SCFD2: variants seen among roughly 807,000 people sequenced by gnomAD.
SCFD2 encodes the protein sec1 family domain-containing protein 2.
In SCFD2, 54 loss-of-function variants were observed where a neutral mutation model predicts 58.9. The ratio of observed to expected loss-of-function variants is 0.92; its 90% CI spans 0.74 to 1.15. The LOEUF (loss-of-function observed/expected upper bound fraction) is 1.15. SCFD2 is among the 50% of genes most tolerant of loss of function. The pLI is 0.00. For missense variants in SCFD2, 805 were observed against 836.6 expected (o/e 0.96, Z 0.47); for synonymous variants, 321 against 335.9 (o/e 0.96, Z 0.49).
chr4:53,269,258 G>C (rs566667024), intron 4 of SCFD2, among the ~76,000 whole-genome samples: 1 of 152,114 alleles, frequency 6.6e-6, no homozygotes, highest in Non-Finnish European at 1.5e-5. Context: ...CCGGGATGTC[G>C]AGGCTACACT....
rs975684745 is a variant in SCFD2, at chr4:52,921,659, C to G, written c.1562-789G>C. On this transcript the variant is annotated intron_variant, in intron 5 of 8. Coordinates refer to ENST00000401642, the MANE Select transcript of SCFD2 (RefSeq NM_152540.4). Reference sequence around the variant, plus strand: ...GACTGAGGTGCAGGTTAAGTAACACCCCTGTGTCAAGGATTGCCAAGGCCC... The same window carrying G: ...GACTGAGGTGCAGGTTAAGTAACACGCCTGTGTCAAGGATTGCCAAGGCCC... 3.2e-4 allele frequency among the ~76,000 whole-genome samples: 49 copies of G among 152,172 alleles called. 1 individual carries two copies. Among genetic ancestry groups the G allele is most frequent in the African/African-American group, 1.2e-3 (49 of 41,510 alleles).
chr4:52,965,524 C>T (rs1371336831), intron 5 of SCFD2, among the ~76,000 whole-genome samples: 1 of 152,222 alleles, frequency 6.6e-6, no homozygotes, highest in East Asian at 1.9e-4. Context: ...TGTGCATGCC[C>T]AATTTCCACA....
intron 5 of SCFD2, among the ~76,000 whole-genome samples, chr4:53,139,060 G>A (rs10008792): frequency 0.44 from 67,005 of 151,962 alleles, 15,122 homozygotes; most frequent in South Asian, 0.52. Flanking sequence ...TTGGGAAGAC[G>A]GGGTTTCGCC....
At chr4:53,160,641 A>G (rs1452933661) in intron 4 of SCFD2, among the ~76,000 whole-genome samples, 2 of 152,214 alleles carry the variant, frequency 1.3e-5, no homozygotes, top group Non-Finnish European at 2.9e-5. Flanking sequence ...AGGACAAAAA[A>G]AGAGAATAGA....
intron 4 of SCFD2, among the ~76,000 whole-genome samples, chr4:53,257,793 T>A (rs1730693136): frequency 6.6e-6 from 1 of 152,166 alleles, no homozygotes; most frequent in African/African-American, 2.4e-5. Flanking sequence ...TCATAGTTTT[T>A]TTTAGATTTA....
intron 4 of SCFD2, among the ~76,000 whole-genome samples, chr4:53,223,844 A>C (rs1271707340): frequency 6.6e-6 from 1 of 152,232 alleles, no homozygotes; most frequent in Non-Finnish European, 1.5e-5. Context: ...GGAAGGTTAT[A>C]AACTTAATAT....
chr4:53,056,877 G>C (rs1433055690), intron 5 of SCFD2, among the ~76,000 whole-genome samples: 1 of 152,088 alleles, frequency 6.6e-6, no homozygotes, highest in Non-Finnish European at 1.5e-5. Flanking sequence ...AAGGAGGAAA[G>C]TCTGACAAAG....
chr4:53,295,441 C>T lies in SCFD2; in HGVS notation c.1135+18195G>A, dbSNP rs181643225. 3.8e-3 allele frequency among the ~76,000 whole-genome samples: 583 copies of T among 152,198 alleles called. 4 individuals carry two copies. The highest frequency in any genetic ancestry group is 4.6e-3 in the Non-Finnish European group (314 of 68,000). The stretch of plus-strand genomic sequence containing the variant: ...TCATTCATGATTTGGCTCTGTTTGT[C>T]TGTTATTGGTGTATAGGAATGCTTG... On this transcript the variant is annotated intron_variant, in intron 3 of 8. Transcript: ENST00000401642.
At chr4:53,139,602 G>C (rs1441720779) in intron 5 of SCFD2, among the ~76,000 whole-genome samples, 1 of 149,154 alleles carries the variant, frequency 6.7e-6, no homozygotes, top group African/African-American at 2.5e-5. Context: ...GGCAGCCCCC[G>C]CCCGGCTGCT....
At chr4:53,173,171 C>T (rs1727229803) in intron 4 of SCFD2, among the ~76,000 whole-genome samples, 1 of 152,108 alleles carries the variant, frequency 6.6e-6, no homozygotes, top group Non-Finnish European at 1.5e-5. Context: ...TGCCCCTTAA[C>T]TTGTAATAGG....
chr4:53,258,545 T>TAC (rs2149050789), intron 4 of SCFD2, among the ~76,000 whole-genome samples: 3 of 17,556 alleles, frequency 1.7e-4, no homozygotes, highest in East Asian at 2.4e-3. Context: ...TGTGTATATA[T>TAC]ATATATATAT....
chr4:53,303,411 A>C (rs773225897), intron 3 of SCFD2, among the ~76,000 whole-genome samples: 4 of 152,098 alleles, frequency 2.6e-5, no homozygotes, highest in Non-Finnish European at 5.9e-5. Flanking sequence ...GATACCACCT[A>C]ACACCAGTTA....
intron 3 of SCFD2, among the ~76,000 whole-genome samples, chr4:53,285,276 T>C (rs1232708429): frequency 6.6e-6 from 1 of 152,128 alleles, no homozygotes; most frequent in Non-Finnish European, 1.5e-5. Flanking sequence ...GCAGATAACA[T>C]GGCACATAAT....
At chr4:52,928,919 C>T (rs1026844753) in intron 5 of SCFD2, among the ~76,000 whole-genome samples, 8 of 151,998 alleles carry the variant, frequency 5.3e-5, no homozygotes, top group Non-Finnish European at 8.8e-5. Flanking sequence ...AAAAAAATGA[C>T]ATAAAGCAGC....
Position 53,145,459 on chromosome 4 carries a change from A to G in SCFD2, c.1435T>C (p.Tyr479His). 6.2e-7 allele frequency: 1 copy of G among 1,614,170 alleles called. No homozygotes were observed. Among genetic ancestry groups the G allele is most frequent in the South Asian group, 1.1e-5 (1 of 91,072 alleles). ...ACCGTGAGCTCTCCAGTGACAGAAT[A>G]AATATATATGAGAAGGATCAGCAGT... ...EELLILLIYI[Y>H]SVTGELTVDK... The change falls in exon 5 of 9, where the codon TAT (tyrosine) becomes CAT (histidine). Residue 479 changes from tyrosine (Y) to histidine (H), a missense_variant. Physicochemically the swap from Tyr to His is moderately conservative, Grantham distance 83 (BLOSUM62 2). Transcript: ENST00000401642.
intron 5 of SCFD2, among the ~76,000 whole-genome samples, chr4:53,017,154 A>G (rs1722233569): frequency 6.6e-6 from 1 of 152,176 alleles, no homozygotes. Context: ...TTGCCATAGT[A>G]ATCATATTTG....
rs144255875 is a variant in SCFD2, at chr4:53,025,378, A to T, written c.1562-104508T>A. Reference sequence around the variant, plus strand: ...ATCTATGAGAACATCTTTTAGTTTAATTGATGCCAAACAACATAGATACTT... The same window carrying T: ...ATCTATGAGAACATCTTTTAGTTTATTTGATGCCAAACAACATAGATACTT... On this transcript the variant is annotated intron_variant, in intron 5 of 8. Transcript: ENST00000401642. 4.5e-3 allele frequency among the ~76,000 whole-genome samples: 687 copies of T among 152,368 alleles called. 3 individuals are homozygous for T. Among genetic ancestry groups the T allele is most frequent in the Non-Finnish European group, 7.1e-3 (483 of 68,026 alleles).
At chr4:53,344,778 G>C (rs1560458565) in intron 2 of SCFD2, among the ~76,000 whole-genome samples, 1 of 151,992 alleles carries the variant, frequency 6.6e-6, no homozygotes, top group Non-Finnish European at 1.5e-5. Context: ...CAGAACAGAG[G>C]CCTCAGAAGT....
At chr4:52,954,324 G>A (rs981778743) in intron 5 of SCFD2, among the ~76,000 whole-genome samples, 48 of 152,162 alleles carry the variant, frequency 3.2e-4, no homozygotes, top group Non-Finnish European at 6.0e-4. Context: ...TATCAAGTAT[G>A]TCTTTAGCCT....
Sources: gnomAD v4.1 joint callset for allele counts (sites outside exome capture counted in the v4.1 genomes callset) on GRCh38, gnomAD v4.1.1 for gene constraint, MANE v1.5 for transcripts, NCBI Gene and HGNC (gene_info 2026-07-23, HGNC 2026-07-21) for gene names.